TBC1D31: variants seen among roughly 807,000 people sequenced by gnomAD.
TBC1D31 encodes WD repeat domain 67.
TBC1D31 carries 99 observed loss-of-function variants against 132.9 expected under a neutral mutation model. The ratio of observed to expected loss-of-function variants is 0.74; its 90% CI spans 0.63 to 0.88. TBC1D31 has a LOEUF of 0.88. TBC1D31 is among the 40% of genes least tolerant of loss of function. The pLI, the probability that TBC1D31 is intolerant of heterozygous loss-of-function variation, is 0.00. For synonymous variants in TBC1D31, 385 were observed against 419.4 expected (o/e 0.92, Z 1.00); for missense variants, 1,134 against 1,256.6 (o/e 0.90, Z 1.48).
intron 20 of TBC1D31, among the ~76,000 whole-genome samples, 156 bp downstream of exon 20, chr8:123,145,011 C>T (rs1024170470): frequency 3.3e-5 from 5 of 151,696 alleles, no homozygotes; most frequent in Non-Finnish European, 5.9e-5. Flanking sequence ...GCAGCCTCGA[C>T]CTCCTGAGCT....
chr8:123,127,261 A>ATTTTTTTTTTTTTTTTTTTTTTT (rs35198781), intron 13 of TBC1D31, among the ~76,000 whole-genome samples: 1 of 69,924 alleles, frequency 1.4e-5, no homozygotes, highest in African/African-American at 6.1e-5. Flanking sequence ...TGCTTTTTGC[A>ATTTTTTTTTTTTTTTTTTTTTTT]TTTTTTTTTT....
At chr8:123,136,750 T>C (rs1189645088) in intron 17 of TBC1D31, among the ~76,000 whole-genome samples, 2 of 152,170 alleles carry the variant, frequency 1.3e-5, no homozygotes, top group East Asian at 1.9e-4. Context: ...GCTCCCAGCC[T>C]ATGCTGAGTT....
In TBC1D31 at chr8:123,126,037, T is replaced by A. The variant is rs1294804930; in HGVS notation, c.1571-19T>A. 6.4e-7 allele frequency: 1 copy of A among 1,559,470 alleles called. No individual in the cohort carries two copies. The highest frequency in any genetic ancestry group is 1.4e-5 in the African/African-American group (1 of 72,830). ...TGGAAAGATATTTAAAGATATGTTT[T>A]CTTTTTTTTCCTTCATAGTCAATTG... On this transcript the variant is annotated intron_variant, in intron 11 of 21. Coordinates refer to ENST00000287380, the MANE Select transcript of TBC1D31 (RefSeq NM_145647.4).
chr8:123,111,525 C>CA (rs1275559343), intron 10 of TBC1D31, among the ~76,000 whole-genome samples: 1 of 152,056 alleles, frequency 6.6e-6, no homozygotes, highest in Admixed American at 6.6e-5. Flanking sequence ...ACCAGGAGTT[C>CA]ATACTAATAT....
In TBC1D31 at chr8:123,142,422, T is replaced by C. The variant is rs1325312181; in HGVS notation, c.2801T>C (p.Ile934Thr). The C allele has an allele frequency of 1.3e-6, 2 of 1,597,020 alleles. No homozygotes were observed. The highest frequency in any genetic ancestry group is 2.7e-5 in the African/African-American group (2 of 73,656). Reference sequence around the variant, plus strand: ...GAAAACAGAAGGAAAGAAATAGAGATAATAAATGCAATGGTGGAGGAGGAA... The same window carrying C: ...GAAAACAGAAGGAAAGAAATAGAGACAATAAATGCAATGGTGGAGGAGGAA... ...LRENRRKEIE[I>T]INAMVEEEAK... Residue 934 changes from isoleucine (I) to threonine (T), a missense_variant, in exon 19 of 22, where the codon ATA (isoleucine) becomes ACA (threonine). Coordinates refer to ENST00000287380, the MANE Select transcript of TBC1D31 (RefSeq NM_145647.4).
rs191281522 is a variant in TBC1D31, at chr8:123,080,825, G to A, written c.225-1877G>A. The stretch of plus-strand genomic sequence containing the variant: ...GTTGGGATTAGAGGCGTGAGCCACC[G>A]CACCTGGCTGAGAGCTTTTCTTATA... On this transcript the variant is annotated intron_variant, in intron 2 of 21. Coordinates refer to ENST00000287380, the MANE Select transcript of TBC1D31 (RefSeq NM_145647.4). 3.9e-5 allele frequency among the ~76,000 whole-genome samples: 6 copies of A among 152,214 alleles called. No individual in the cohort carries two copies. The East Asian group carries it at 7.7e-4, about 20-fold the overall frequency.
At chr8:123,084,021 C>T (rs1483507769) in intron 3 of TBC1D31, 141 bp from the exon 4 acceptor site, 12 of 669,018 alleles carry the variant, frequency 1.8e-5, no homozygotes, top group Non-Finnish European at 2.8e-5. Flanking sequence ...CCACAAGCTT[C>T]CATTTTTGTG....
In TBC1D31 at chr8:123,072,824, C is replaced by G; in HGVS notation, c.55C>G (p.Pro19Ala). The G allele has an allele frequency of 2.5e-6, 4 of 1,571,434 alleles. No individual in the cohort carries two copies. The highest frequency in any genetic ancestry group is 3.5e-6 in the Non-Finnish European group (4 of 1,158,740). ...GAGCGGCAAGATATGGCACCGCAAG[C>G]CGTCCCCGGCCACGCGGGACGGGTA... Reference protein sequence around the residue: ...KESGKIWHRKPSPATRDGIIV... With the variant: ...KESGKIWHRKASPATRDGIIV... The change falls in exon 1 of 22, where the codon CCG (proline) becomes GCG (alanine). Residue 19 changes from proline to alanine, a missense_variant. Physicochemically the swap from Pro to Ala is conservative, Grantham distance 27 (BLOSUM62 -1). Coordinates refer to ENST00000287380, the MANE Select transcript of TBC1D31 (RefSeq NM_145647.4).
At chr8:123,138,270 C>T (rs1333059539) in intron 17 of TBC1D31, among the ~76,000 whole-genome samples, 2 of 152,124 alleles carry the variant, frequency 1.3e-5, no homozygotes, top group African/African-American at 4.8e-5. Flanking sequence ...TGAACCATAA[C>T]TTATTTAAGC....
chr8:123,139,315 A>G (rs1038130543), intron 17 of TBC1D31, among the ~76,000 whole-genome samples: 2 of 152,184 alleles, frequency 1.3e-5, no homozygotes, highest in African/African-American at 4.8e-5. Context: ...CGTCTGGAAT[A>G]TAATGTAGCA....
intron 6 of TBC1D31, among the ~76,000 whole-genome samples, chr8:123,098,071 A>G (rs1009650563): frequency 6.6e-6 from 1 of 152,166 alleles, no homozygotes; most frequent in Non-Finnish European, 1.5e-5. Context: ...TATGTTTTAC[A>G]TATATATGTA....
chr8:123,154,807 C>G (rs188463893), downstream of TBC1D31, among the ~76,000 whole-genome samples: 143 of 152,290 alleles, frequency 9.4e-4, 1 homozygote, highest in Admixed American at 9.2e-3. Context: ...CAGAGCACGA[C>G]TAGATGTCCC....
the TBC1D31 span, among the ~76,000 whole-genome samples, chr8:123,158,518 T>C: frequency 6.6e-6 from 1 of 150,780 alleles, no homozygotes; most frequent in Non-Finnish European, 1.5e-5. Flanking sequence ...GGACAGGGAG[T>C]GGGGAGAGGT....
intron 4 of TBC1D31, among the ~76,000 whole-genome samples, chr8:123,085,286 T>C (rs1416450782): frequency 6.6e-6 from 1 of 152,216 alleles, no homozygotes. Context: ...AGCATTACAT[T>C]ATCCCAGAAA....
chr8:123,134,704 A>C (rs559163951), intron 17 of TBC1D31, among the ~76,000 whole-genome samples: 1 of 152,144 alleles, frequency 6.6e-6, no homozygotes, highest in African/African-American at 2.4e-5. Context: ...TATTTAATTC[A>C]TGTTTCTGTT....
chr8:123,107,529 A>T (rs776115158), intron 8 of TBC1D31, among the ~76,000 whole-genome samples: 1 of 152,214 alleles, frequency 6.6e-6, no homozygotes, highest in Non-Finnish European at 1.5e-5. Context: ...TTGTGTAAAG[A>T]CTGGGCAATG....
intron 7 of TBC1D31, among the ~76,000 whole-genome samples, chr8:123,101,748 G>A (rs1315165892): frequency 1.3e-5 from 2 of 152,080 alleles, no homozygotes; most frequent in Admixed American, 6.6e-5. Context: ...TAAATGTGCT[G>A]TCTGTTCTCC....
At chr8:123,099,142 C>T (rs112078528) in intron 6 of TBC1D31, among the ~76,000 whole-genome samples, 3 of 152,030 alleles carry the variant, frequency 2.0e-5, no homozygotes, top group Admixed American at 6.6e-5. Flanking sequence ...GGTTTTGAGA[C>T]GGAGTCTCGC....
At chr8:123,132,616 G>A (rs895259801) in intron 16 of TBC1D31, among the ~76,000 whole-genome samples, 5 of 151,806 alleles carry the variant, frequency 3.3e-5, no homozygotes, top group Non-Finnish European at 7.4e-5. Flanking sequence ...GTTTCACCAT[G>A]TTGGTCAGGC....
Sources: gnomAD v4.1 joint callset for allele counts (sites outside exome capture counted in the v4.1 genomes callset) on GRCh38, gnomAD v4.1.1 for gene constraint, MANE v1.5 for transcripts, NCBI Gene and HGNC (gene_info 2026-07-23, HGNC 2026-07-21) for gene names.